Variants in ZFAT observed in about 807,000 individuals in gnomAD.
ZFAT encodes zinc finger protein ZFAT.
A neutral mutation model predicts 117.7 loss-of-function variants in ZFAT; 64 were observed. The ratio of observed to expected loss-of-function variants is 0.54; its 90% CI spans 0.44 to 0.67. The LOEUF (loss-of-function observed/expected upper bound fraction) is 0.67. Among genes scored for constraint, ZFAT ranks in the 30% least tolerant of loss-of-function variants. ZFAT has a pLI of 0.00. For missense variants in ZFAT, 1,433 were observed against 1,584.5 expected (o/e 0.90, Z 1.62); for synonymous variants, 679 against 615.0 (o/e 1.10, Z -1.54).
the ZFAT span, among the ~76,000 whole-genome samples, chr8:134,813,477 A>C: frequency 6.6e-6 from 1 of 152,160 alleles, no homozygotes; most frequent in Non-Finnish European, 1.5e-5. Flanking sequence ...GCAATGGCGC[A>C]ATCTCAGTTC....
At chr8:134,504,848 C>T (rs569581989) in intron 15 of ZFAT, among the ~76,000 whole-genome samples, 4 of 152,290 alleles carry the variant, frequency 2.6e-5, no homozygotes, top group South Asian at 2.1e-4. Flanking sequence ...CCTACCTCTG[C>T]CTCCAGTCAC....
the ZFAT span, among the ~76,000 whole-genome samples, chr8:134,769,610 G>A: frequency 3.3e-5 from 5 of 152,056 alleles, no homozygotes; most frequent in Non-Finnish European, 5.9e-5. Flanking sequence ...CCATTCTAGG[G>A]TCTGGAGGAT....
intron 3 of ZFAT, among the ~76,000 whole-genome samples, chr8:134,624,044 T>C (rs968983802): frequency 1.3e-5 from 2 of 152,156 alleles, no homozygotes; most frequent in African/African-American, 4.8e-5. Flanking sequence ...CGACATCCTG[T>C]AGTCAGCAAC....
chr8:134,717,579 G>T (rs534680657), upstream of ZFAT, among the ~76,000 whole-genome samples: 2 of 140,598 alleles, frequency 1.4e-5, no homozygotes, highest in Non-Finnish European at 3.0e-5. Context: ...TGCCTCCTGG[G>T]TTCATGCCAT....
chr8:134,709,756 C>G lies in ZFAT; in HGVS notation c.19+3089G>C, dbSNP rs112786797. Reference sequence around the variant, plus strand: ...ATTCTACTTAACAATAGCTATCTTGCAAAAGTTATGTAAATTGCAAGGTAT... The same window carrying G: ...ATTCTACTTAACAATAGCTATCTTGGAAAAGTTATGTAAATTGCAAGGTAT... On this transcript the variant is annotated intron_variant, in intron 1 of 15. Coordinates refer to ENST00000377838, the MANE Select transcript of ZFAT (RefSeq NM_020863.4). Among the ~76,000 whole-genome samples, 230 of 152,262 alleles carry G rather than the reference C, an allele frequency of 1.5e-3. 1 individual carries two copies. Among genetic ancestry groups the G allele is most frequent in the African/African-American group, 5.3e-3 (222 of 41,542 alleles).
chr8:134,721,244 G>C, the ZFAT span, among the ~76,000 whole-genome samples: 1 of 152,192 alleles, frequency 6.6e-6, no homozygotes, highest in Non-Finnish European at 1.5e-5. Context: ...GCATGTCCCA[G>C]GGTTTCTGCT....
At chr8:134,749,663 T>C in the ZFAT span, among the ~76,000 whole-genome samples, 1 of 152,188 alleles carries the variant, frequency 6.6e-6, no homozygotes, top group Non-Finnish European at 1.5e-5. Context: ...TTACATACAG[T>C]ATGAGGAAGG....
intron 15 of ZFAT, among the ~76,000 whole-genome samples, chr8:134,480,654 T>C (rs1480678326): frequency 6.6e-6 from 1 of 152,148 alleles, no homozygotes; most frequent in African/African-American, 2.4e-5. Context: ...GAGATGGGCA[T>C]AGGGACTGGG....
chr8:134,537,269 C>T (rs1045391824), intron 11 of ZFAT, among the ~76,000 whole-genome samples: 2 of 152,200 alleles, frequency 1.3e-5, no homozygotes, highest in Admixed American at 1.3e-4. Context: ...AGCCTGGTTA[C>T]TTGGTTTGCA....
rs568301922 is a variant in ZFAT, at chr8:134,670,470, A to G, written c.20-12733T>C. 3.9e-5 allele frequency among the ~76,000 whole-genome samples: 6 copies of G among 152,408 alleles called. No individual in the cohort carries two copies. The East Asian group carries it at 9.6e-4, about 24-fold the overall frequency. On this transcript the variant is annotated intron_variant, in intron 1 of 15. Coordinates refer to ENST00000377838, the MANE Select transcript of ZFAT (RefSeq NM_020863.4). The stretch of plus-strand genomic sequence containing the variant: ...AACTCAATCAAAATCGCTCAACTAC[A>G]TGGAAACTGAACAACCTGCTCCTGA...
chr8:134,768,399 G>A, the ZFAT span, among the ~76,000 whole-genome samples: 5 of 152,126 alleles, frequency 3.3e-5, no homozygotes, highest in Admixed American at 2.0e-4. Context: ...CCAACCTCTT[G>A]CCCTCTTCTC....
chr8:134,593,038 C>T (rs1826643626), intron 7 of ZFAT, among the ~76,000 whole-genome samples: 1 of 152,202 alleles, frequency 6.6e-6, no homozygotes, highest in African/African-American at 2.4e-5. Flanking sequence ...CAGGGCTCCT[C>T]AGAGCACTCC....
intron 12 of ZFAT, among the ~76,000 whole-genome samples, chr8:134,532,307 A>G (rs1214336356): frequency 2.0e-5 from 3 of 152,328 alleles, no homozygotes; most frequent in Admixed American, 2.0e-4. Flanking sequence ...TCACCTATAA[A>G]TATGCCTACA....
At chr8:134,588,940 C>G (rs756978947) in intron 8 of ZFAT, among the ~76,000 whole-genome samples, 8 of 152,066 alleles carry the variant, frequency 5.3e-5, no homozygotes, top group Admixed American at 1.3e-4. Flanking sequence ...TTTGGAGATG[C>G]ATTTTAAACG....
chr8:134,831,589 C>A, the ZFAT span, among the ~76,000 whole-genome samples: 1 of 152,206 alleles, frequency 6.6e-6, no homozygotes, highest in African/African-American at 2.4e-5. Flanking sequence ...AAAAGCAAGG[C>A]GCCTCGTCCC....
intron 2 of ZFAT, among the ~76,000 whole-genome samples, chr8:134,652,777 G>C (rs867934053): frequency 1.4e-4 from 22 of 152,062 alleles, no homozygotes; most frequent in African/African-American, 5.3e-4. Flanking sequence ...AATATCCTTG[G>C]GTTGATGTGG....
chr8:134,744,637 C>A, the ZFAT span, among the ~76,000 whole-genome samples: 1 of 151,876 alleles, frequency 6.6e-6, no homozygotes, highest in Non-Finnish European at 1.5e-5. Context: ...TCTACACAGG[C>A]CCCCTCACAA....
intron 15 of ZFAT, among the ~76,000 whole-genome samples, chr8:134,509,126 C>G (rs774169354): frequency 8.5e-5 from 13 of 152,272 alleles, no homozygotes; most frequent in Non-Finnish European, 1.6e-4. Context: ...GTGGAGTAAC[C>G]TTTATTCCAA....
At position 134,586,064 on chromosome 8, in the gene ZFAT, C is replaced by A. The variant is rs190034266; in HGVS notation, c.2714-2059G>T. On this transcript the variant is annotated intron_variant, in intron 9 of 15. Coordinates refer to ENST00000377838, the MANE Select transcript of ZFAT (RefSeq NM_020863.4). ...CGGAGACAAGGGATATTTTATGGTACAGGGGATCAATTCCAAAGAACCCCA... is the reference window on the plus strand; with the variant it reads ...CGGAGACAAGGGATATTTTATGGTAAAGGGGATCAATTCCAAAGAACCCCA... Among the ~76,000 whole-genome samples, 14 of 152,182 alleles carry A rather than the reference C, an allele frequency of 9.2e-5. No homozygotes were observed. In the East Asian group the frequency reaches 2.5e-3, roughly 27 times the overall value.
Sources: allele counts gnomAD v4.1 joint callset (sites outside exome capture counted in the v4.1 genomes callset), GRCh38; gene constraint gnomAD v4.1.1; transcripts MANE v1.5; gene names NCBI Gene and HGNC (gene_info 2026-07-23, HGNC 2026-07-21).